SLC8A1: variants seen among roughly 807,000 people sequenced by gnomAD.
The protein encoded by SLC8A1 is sodium/calcium exchanger 1.
SLC8A1 carries 18 observed loss-of-function variants against 68.3 expected under a neutral mutation model. The observed-to-expected ratio is 0.26, with a 90% confidence interval of 0.18 to 0.39. The LOEUF (loss-of-function observed/expected upper bound fraction) is 0.39, where lower values mean the gene tolerates loss of function less well. Ranked by LOEUF, SLC8A1 falls within the 10% of genes least tolerant of loss-of-function variation. The pLI is 1.00. For synonymous variants in SLC8A1, 475 were observed against 415.5 expected, an observed-to-expected ratio of 1.14 and a Z score of -1.74; for missense variants, 985 against 1,156.7, an observed-to-expected ratio of 0.85 and a Z score of 2.15.
At chr2:40,103,743 A>G (rs2034035661) in exon 8 of SLC8A1, 1 of 152,206 alleles carries the variant, frequency 6.6e-6, no homozygotes, top group Non-Finnish European at 1.5e-5. Flanking sequence ...AAAAGGGAGA[A>G]ATTACTCATT....
intron 4 of SLC8A1, among the ~76,000 whole-genome samples, chr2:40,165,933 G>A (rs2046476217): frequency 6.6e-6 from 1 of 152,166 alleles, no homozygotes; most frequent in Non-Finnish European, 1.5e-5. Flanking sequence ...GCTGAAACAA[G>A]ACAAGCTACT....
At chr2:40,448,496 G>A (rs570884320) in intron 1 of SLC8A1, among the ~76,000 whole-genome samples, 35 of 152,224 alleles carry the variant, frequency 2.3e-4, no homozygotes, top group African/African-American at 6.7e-4. Flanking sequence ...TATCTCTAGG[G>A]AACAGAAATA....
chr2:40,416,538 GCTTT>G (rs1693946872), intron 2 of SLC8A1, among the ~76,000 whole-genome samples: 1 of 151,924 alleles, frequency 6.6e-6, no homozygotes, highest in Non-Finnish European at 1.5e-5. Flanking sequence ...AAAAATTTTT[GCTTT>G]CTCTTAGGAC....
chr2:40,459,274 G>C (rs1703200840), intron 1 of SLC8A1, among the ~76,000 whole-genome samples: 1 of 152,186 alleles, frequency 6.6e-6, no homozygotes, highest in Admixed American at 6.5e-5. Flanking sequence ...AGTTTAGGTG[G>C]TCAGTTCTGC....
intron 2 of SLC8A1, among the ~76,000 whole-genome samples, chr2:40,317,610 A>T (rs2074640014): frequency 6.6e-6 from 1 of 152,128 alleles, no homozygotes; most frequent in African/African-American, 2.4e-5. Flanking sequence ...AAATAGGAAT[A>T]TTTATTTAAA....
rs1260138131 is a variant in SLC8A1, at chr2:40,139,689, G to A, written c.2162-13C>T. ...TCATCATCTTCCCCTAGAGAGAATG[G>A]AAGGAAGCACATTTCATCACAACCT... On this transcript the variant is annotated splice_polypyrimidine_tract_variant and intron_variant, in intron 6 of 7. Transcript: ENST00000406785. 1 of 1,608,962 alleles carries A rather than the reference G, an allele frequency of 6.2e-7. No individual in the cohort carries two copies. The highest frequency in any genetic ancestry group is 8.5e-7 in the Non-Finnish European group (1 of 1,176,788).
intron 2 of SLC8A1, among the ~76,000 whole-genome samples, chr2:40,425,991 G>A (rs1047314459): frequency 1.3e-5 from 2 of 151,866 alleles, no homozygotes; most frequent in Non-Finnish European, 2.9e-5. Flanking sequence ...TTGATAATAT[G>A]TTTTTCTAGA....
intron 2 of SLC8A1, among the ~76,000 whole-genome samples, chr2:40,305,222 G>C (rs2072339798): frequency 6.6e-6 from 1 of 152,216 alleles, no homozygotes; most frequent in South Asian, 2.1e-4. Flanking sequence ...GTGAAGCAGT[G>C]AAGACAGAAG....
chr2:40,255,809 A>ATGAT (rs1186955690), intron 2 of SLC8A1, among the ~76,000 whole-genome samples: 1 of 152,212 alleles, frequency 6.6e-6, no homozygotes, highest in African/African-American at 2.4e-5. Context: ...AGGAAGCAAA[A>ATGAT]TGATATACTT....
At chr2:40,170,660 C>T (rs1025376344) in intron 4 of SLC8A1, among the ~76,000 whole-genome samples, 1 of 152,182 alleles carries the variant, frequency 6.6e-6, no homozygotes, top group African/African-American at 2.4e-5. Context: ...AATGATGTGT[C>T]AAGGTCCTTC....
At chr2:40,334,587 G>A (rs914951940) in intron 2 of SLC8A1, among the ~76,000 whole-genome samples, 8 of 152,008 alleles carry the variant, frequency 5.3e-5, no homozygotes, top group African/African-American at 7.3e-5. Flanking sequence ...AAGGAAGAAG[G>A]GTATGTCCTG....
At chr2:40,123,067 G>T (rs989466786) in intron 7 of SLC8A1, 3 of 152,168 alleles carry the variant, frequency 2.0e-5, no homozygotes, top group African/African-American at 7.2e-5. Flanking sequence ...TGTAATTGGA[G>T]TCATGTTCTC....
At chr2:40,455,739 T>C (rs1231834612), upstream of SLC8A1, among the ~76,000 whole-genome samples, 1 of 152,254 alleles carries the variant, frequency 6.6e-6, no homozygotes, top group African/African-American at 2.4e-5. Context: ...TTCTAAGTGC[T>C]GTTGTTCCTC....
At chr2:40,247,219 C>T (rs2062002052) in intron 2 of SLC8A1, among the ~76,000 whole-genome samples, 1 of 152,138 alleles carries the variant, frequency 6.6e-6, no homozygotes, top group Non-Finnish European at 1.5e-5. Flanking sequence ...CTTTCTGCAG[C>T]CTGGAATGGA....
intron 2 of SLC8A1, among the ~76,000 whole-genome samples, chr2:40,340,422 A>T (rs1347897286): frequency 6.6e-6 from 1 of 152,132 alleles, no homozygotes; most frequent in Non-Finnish European, 1.5e-5. Context: ...TTAGCTGGGC[A>T]TGGTGGCAGG....
intron 7 of SLC8A1, among the ~76,000 whole-genome samples, chr2:40,132,715 A>C (rs1357428060): frequency 6.6e-6 from 1 of 152,194 alleles, no homozygotes; most frequent in Non-Finnish European, 1.5e-5. Context: ...AGTGCTGAAC[A>C]AACAGAAAAA....
intron 4 of SLC8A1, among the ~76,000 whole-genome samples, chr2:40,168,699 A>T (rs1170535834): frequency 6.6e-6 from 1 of 152,214 alleles, no homozygotes; most frequent in East Asian, 1.9e-4. Flanking sequence ...ATTGGATCAA[A>T]AGCAGATCAT....
intron 7 of SLC8A1, among the ~76,000 whole-genome samples, chr2:40,137,066 C>G (rs11685090): frequency 0.4 from 60,885 of 152,000 alleles, 12,333 homozygotes; most frequent in East Asian, 0.52. Flanking sequence ...CTCCACCTGG[C>G]TTCTGAGTTA....
chr2:40,272,503 A>G (rs1185289230), intron 2 of SLC8A1, among the ~76,000 whole-genome samples: 2 of 152,116 alleles, frequency 1.3e-5, no homozygotes, highest in Non-Finnish European at 2.9e-5. Flanking sequence ...TAAACAAAAT[A>G]TTTCAGTAAT....
Sources: gnomAD v4.1 joint callset for allele counts (sites outside exome capture counted in the v4.1 genomes callset) on GRCh38, gnomAD v4.1.1 for gene constraint, MANE v1.5 for transcripts, NCBI Gene and HGNC (gene_info 2026-07-23, HGNC 2026-07-21) for gene names.